The following CCDC171 variants were observed in gnomAD, a reference collection of about 807,000 sequenced individuals.
The protein encoded by CCDC171 is coiled-coil domain containing 171.
A neutral mutation model predicts 168.2 loss-of-function variants in CCDC171; 177 were observed. The observed-to-expected ratio is 1.05, with a 90% confidence interval of 0.93 to 1.19. The LOEUF is 1.19. Ranked by LOEUF, CCDC171 falls within the 50% of genes most tolerant of loss-of-function variation. The pLI is 0.00. For missense variants in CCDC171, 1,991 were observed against 1,539.0 expected (o/e 1.29, Z -4.91); for synonymous variants, 687 against 540.8 (o/e 1.27, Z -3.75).
chr9:15,749,226 G>A (rs908932919), intron 18 of CCDC171, among the ~76,000 whole-genome samples: 1 of 151,644 alleles, frequency 6.6e-6, no homozygotes, highest in African/African-American at 2.4e-5. Context: ...AGACAAAGAA[G>A]GCCATTACAT....
chr9:15,585,281 A>T (rs953115634), intron 4 of CCDC171, among the ~76,000 whole-genome samples: 3 of 152,224 alleles, frequency 2.0e-5, no homozygotes, highest in Non-Finnish European at 2.9e-5. Context: ...TCCAAAAAAG[A>T]CTTGTAAAAG....
intron 6 of CCDC171, among the ~76,000 whole-genome samples, chr9:15,595,806 CTGT>C (rs2042303847): frequency 6.6e-6 from 1 of 152,142 alleles, no homozygotes; most frequent in South Asian, 2.1e-4. Flanking sequence ...TCTCTAGCAC[CTGT>C]TGTTTCCTGA....
intron 2 of CCDC171, among the ~76,000 whole-genome samples, chr9:15,569,134 G>A (rs1442237405): frequency 6.6e-6 from 1 of 152,058 alleles, no homozygotes; most frequent in Non-Finnish European, 1.5e-5. Context: ...ATTTAACCTG[G>A]GCTCTTTTAA....
At chr9:16,097,808 G>A in the CCDC171 span, among the ~76,000 whole-genome samples, 4 of 152,216 alleles carry the variant, frequency 2.6e-5, no homozygotes, top group Non-Finnish European at 5.9e-5. Context: ...TGTTATCGGT[G>A]AGAATCCAGA....
At chr9:16,021,239 C>T (rs977555414) in intron 4 of CCDC171, among the ~76,000 whole-genome samples, 2 of 152,162 alleles carry the variant, frequency 1.3e-5, no homozygotes, top group African/African-American at 4.8e-5. Flanking sequence ...AGGCACGTGT[C>T]ACCACACCCA....
At chr9:16,016,179 A>G (rs1589328023) in intron 3 of CCDC171, among the ~76,000 whole-genome samples, 2 of 152,180 alleles carry the variant, frequency 1.3e-5, no homozygotes, top group South Asian at 4.1e-4. Flanking sequence ...TTTTTGAGGA[A>G]CTGCCATACT....
At chr9:15,578,378 G>T in intron 3 of CCDC171, among the ~76,000 whole-genome samples, 1 of 149,526 alleles carries the variant, frequency 6.7e-6, no homozygotes, top group South Asian at 2.1e-4. Context: ...GAGACTACAG[G>T]TGCACACCAC....
intron 7 of CCDC171, among the ~76,000 whole-genome samples, chr9:15,645,121 C>G (rs1335690379): frequency 6.6e-6 from 1 of 152,212 alleles, no homozygotes; most frequent in Non-Finnish European, 1.5e-5. Context: ...TGCTGATATC[C>G]AGGCACACAG....
chr9:15,913,851 T>C (rs2094519), intron 24 of CCDC171, among the ~76,000 whole-genome samples: 113,703 of 152,132 alleles, frequency 0.75, 44,100 homozygotes, highest in East Asian at 0.86. Flanking sequence ...TTGTTGATTT[T>C]GATACTGTTG....
At chr9:16,047,389 G>C (rs930641522) in intron 1 of CCDC171, among the ~76,000 whole-genome samples, 11 of 152,018 alleles carry the variant, frequency 7.2e-5, no homozygotes, top group Non-Finnish European at 1.6e-4. Context: ...AATAAGCCTC[G>C]TTCTACCTCC....
chr9:15,577,186 T>C (rs1417905555), intron 3 of CCDC171, among the ~76,000 whole-genome samples: 4 of 152,204 alleles, frequency 2.6e-5, no homozygotes, highest in Non-Finnish European at 5.9e-5. Context: ...CATAACCTTA[T>C]CTGCCCTGGG....
intron 2 of CCDC171, among the ~76,000 whole-genome samples, chr9:15,570,635 G>T (rs1031027774): frequency 6.6e-6 from 1 of 152,136 alleles, no homozygotes; most frequent in East Asian, 1.9e-4. Context: ...TGTTTTTCTA[G>T]AGAACCACTG....
intron 6 of CCDC171, among the ~76,000 whole-genome samples, chr9:15,604,462 A>T (rs1230677193): frequency 1.3e-5 from 2 of 152,190 alleles, no homozygotes; most frequent in Admixed American, 6.5e-5. Context: ...GAAGATGAAT[A>T]TATATGTTTT....
chr9:15,797,534 C>T (rs780306478), intron 21 of CCDC171, among the ~76,000 whole-genome samples: 3 of 152,054 alleles, frequency 2.0e-5, no homozygotes, highest in Non-Finnish European at 4.4e-5. Context: ...ATATTTTAAA[C>T]TTTGGGTTGT....
At chr9:15,752,416 A>G (rs868503258) in intron 18 of CCDC171, among the ~76,000 whole-genome samples, 1 of 152,210 alleles carries the variant, frequency 6.6e-6, no homozygotes, top group African/African-American at 2.4e-5. Flanking sequence ...TACTGAAAGG[A>G]TTGTAAATCA....
chr9:15,694,400 G>A (rs1209279955), intron 10 of CCDC171, among the ~76,000 whole-genome samples: 1 of 152,142 alleles, frequency 6.6e-6, no homozygotes. Flanking sequence ...TTATTTGACA[G>A]GCATTGTGCT....
At chr9:15,907,146 G>C (rs1023075444) in intron 24 of CCDC171, among the ~76,000 whole-genome samples, 6 of 151,986 alleles carry the variant, frequency 3.9e-5, no homozygotes, top group Non-Finnish European at 8.8e-5. Flanking sequence ...CACAGAATTG[G>C]AAAAAACCTA....
chr9:15,741,340 T>C (rs1363591131), intron 16 of CCDC171, among the ~76,000 whole-genome samples: 2 of 152,228 alleles, frequency 1.3e-5, no homozygotes, highest in African/African-American at 2.4e-5. Flanking sequence ...TTTCTGTGTC[T>C]ATAAATTTTC....
chr9:15,574,498 C>T (rs923343942), intron 3 of CCDC171, among the ~76,000 whole-genome samples: 18 of 151,880 alleles, frequency 1.2e-4, no homozygotes, highest in African/African-American at 2.7e-4. Context: ...AGGCTGGTCG[C>T]GAACTCCTGA....
Sources: allele counts gnomAD v4.1 joint callset (sites outside exome capture counted in the v4.1 genomes callset), GRCh38; gene constraint gnomAD v4.1.1; transcripts MANE v1.5; gene names NCBI Gene and HGNC (gene_info 2026-07-23, HGNC 2026-07-21).